Variants in TRIQK observed in about 807,000 individuals in gnomAD.
The protein encoded by TRIQK is triple QxxK/R motif-containing protein.
TRIQK carries 10 observed loss-of-function variants against 10.8 expected under a neutral mutation model. The observed-to-expected ratio is 0.92, with a 90% CI of 0.57 to 1.57. The LOEUF (loss-of-function observed/expected upper bound fraction) is 1.57. Ranked by LOEUF, TRIQK falls within the 40% of genes most tolerant of loss-of-function variation. TRIQK has a pLI of 0.00. For synonymous variants in TRIQK, 33 were observed against 33.7 expected, an observed-to-expected ratio of 0.98 and a Z score of 0.07; for missense variants, 107 against 97.7, an observed-to-expected ratio of 1.09 and a Z score of -0.40.
chr8:92,929,151 T>C (rs1208345190), intron 2 of TRIQK, among the ~76,000 whole-genome samples: 1 of 152,118 alleles, frequency 6.6e-6, no homozygotes, highest in African/African-American at 2.4e-5. Context: ...ACCCAGTCAA[T>C]AATGTTGGGG....
chr8:93,005,813 C>G (rs1813264767), intron 1 of TRIQK, among the ~76,000 whole-genome samples: 1 of 152,040 alleles, frequency 6.6e-6, no homozygotes, highest in East Asian at 1.9e-4. Context: ...CCAGAGAAAT[C>G]AGACAGGAGA....
rs545906706 is a variant in TRIQK, at chr8:92,906,598, TACAA to T, written c.61+10327_61+10330del. Among the ~76,000 whole-genome samples the T allele has an allele frequency of 3.4e-4, 52 of 151,642 alleles. No individual in the cohort carries two copies. In the South Asian group the frequency reaches 1.0e-2, roughly 29 times the overall value. On this transcript the variant is annotated intron_variant, in intron 3 of 4. Coordinates refer to ENST00000521988, the MANE Select transcript of TRIQK (RefSeq NM_001171797.2). ...TAGAATGTAACACTCATCTTCCCCA[TACAA>T]ACAATTTCCCTATAAAGTCACCATT...
chr8:92,936,424 C>T (rs1038566190), intron 2 of TRIQK, among the ~76,000 whole-genome samples: 1 of 151,288 alleles, frequency 6.6e-6, no homozygotes, highest in Non-Finnish European at 1.5e-5. Context: ...AATACCCATT[C>T]ATTATTACAG....
At chr8:92,943,310 T>C (rs1020631042) in intron 2 of TRIQK, among the ~76,000 whole-genome samples, 2 of 151,900 alleles carry the variant, frequency 1.3e-5, no homozygotes, top group African/African-American at 4.8e-5. Context: ...TTCATACAAG[T>C]GGAAAAAAAC....
intron 1 of TRIQK, among the ~76,000 whole-genome samples, chr8:93,015,936 C>CT (rs145852910): frequency 0.1 from 15,140 of 147,892 alleles, 1,761 homozygotes; most frequent in African/African-American, 0.29. Context: ...ATAAAAACAC[C>CT]TTTTTTTAAG....
intron 1 of TRIQK, among the ~76,000 whole-genome samples, chr8:92,962,211 A>G (rs1812496951): frequency 6.6e-6 from 1 of 152,202 alleles, no homozygotes; most frequent in Non-Finnish European, 1.5e-5. Context: ...ATGTATCACT[A>G]TTTTCCATTA....
Position 92,892,053 on chromosome 8 carries a change from GT to G in TRIQK, c.82del (p.Thr28LeufsTer10). The G allele has an allele frequency of 6.5e-7, 1 of 1,531,184 alleles. No homozygotes were observed. Among genetic ancestry groups the G allele is most frequent in the Non-Finnish European group, 8.8e-7 (1 of 1,142,416 alleles). 94.8% of individuals were successfully genotyped at this position (1,531,184 alleles called of 1,614,324 possible). A position where few individuals can be genotyped will look rare whatever the true frequency, so the allele number is the denominator to read the frequency against. ...KQIGKQDYKK[T>X]KPILRATKLK... ...TTTGGTTGCTCGTAAAATAGGTTTA[GT>G]TTTTTTATAATCCTGTTTACCTAGA... On this transcript the variant is annotated frameshift_variant, in exon 4 of 5. Coordinates refer to ENST00000521988, the MANE Select transcript of TRIQK (RefSeq NM_001171797.2). LOFTEE classifies it high-confidence loss of function.
At chr8:92,983,063 G>T (rs1451888472) in intron 1 of TRIQK, among the ~76,000 whole-genome samples, 1 of 151,912 alleles carries the variant, frequency 6.6e-6, no homozygotes. Flanking sequence ...TGTTTTTAAA[G>T]TTACAAATAC....
At chr8:92,972,322 A>G (rs1812884241) in intron 1 of TRIQK, among the ~76,000 whole-genome samples, 1 of 151,916 alleles carries the variant, frequency 6.6e-6, no homozygotes, top group Non-Finnish European at 1.5e-5. Flanking sequence ...TTTCATTTTT[A>G]CCTTTCTCCT....
intron 1 of TRIQK, among the ~76,000 whole-genome samples, chr8:93,014,851 C>A (rs1813368421): frequency 1.3e-5 from 2 of 151,966 alleles, no homozygotes; most frequent in African/African-American, 4.8e-5. Context: ...TTATTGAAGT[C>A]TGAAATGATT....
chr8:92,937,393 G>T (rs761579806), intron 2 of TRIQK, among the ~76,000 whole-genome samples: 28 of 151,836 alleles, frequency 1.8e-4, no homozygotes, highest in African/African-American at 6.7e-4. Flanking sequence ...CTTGCACAGG[G>T]TTATTTATTT....
chr8:92,894,292 G>A lies in TRIQK; in HGVS notation c.62-2218C>T, dbSNP rs1188919121. ...AGTGACAACATTTACAGGAGTGTCTGGTAGGTTCTTTATAACTAAAGCCAG... is the reference window on the plus strand; with the variant it reads ...AGTGACAACATTTACAGGAGTGTCTAGTAGGTTCTTTATAACTAAAGCCAG... On this transcript the variant is annotated intron_variant, in intron 3 of 4. Transcript: ENST00000521988. Among the ~76,000 whole-genome samples the A allele has an allele frequency of 5.3e-5, 8 of 151,990 alleles. No homozygotes were observed. In the East Asian group the frequency reaches 1.3e-3, roughly 26 times the overall value.
chr8:92,985,900 G>A (rs946286794), intron 1 of TRIQK, among the ~76,000 whole-genome samples: 5 of 152,112 alleles, frequency 3.3e-5, no homozygotes, highest in African/African-American at 1.2e-4. Context: ...CACTGCCAGA[G>A]TTCATAAACA....
chr8:92,996,390 A>G (rs1332239791), intron 1 of TRIQK, among the ~76,000 whole-genome samples: 1 of 152,070 alleles, frequency 6.6e-6, no homozygotes, highest in Non-Finnish European at 1.5e-5. Context: ...TCAATTGTTC[A>G]GCCTACTGCA....
At chr8:92,961,899 C>T (rs1312526853) in intron 1 of TRIQK, among the ~76,000 whole-genome samples, 7 of 152,172 alleles carry the variant, frequency 4.6e-5, no homozygotes, top group Admixed American at 1.3e-4. Flanking sequence ...AGTCATGTGA[C>T]TGACAAGAGT....
intron 1 of TRIQK, among the ~76,000 whole-genome samples, chr8:92,981,866 A>C (rs1033697827): frequency 6.6e-6 from 1 of 151,858 alleles, no homozygotes; most frequent in African/African-American, 2.4e-5. Flanking sequence ...GAGTGTAATC[A>C]TGTATATTTT....
chr8:93,003,832 C>T (rs1041142535), intron 1 of TRIQK, among the ~76,000 whole-genome samples: 2 of 152,204 alleles, frequency 1.3e-5, no homozygotes, highest in Admixed American at 6.5e-5. Flanking sequence ...ATTCAAAACT[C>T]AGCAGGGAAG....
chr8:92,967,396 T>G (rs1190249929), upstream of TRIQK, among the ~76,000 whole-genome samples: 2 of 152,212 alleles, frequency 1.3e-5, no homozygotes, highest in Non-Finnish European at 2.9e-5. Context: ...CCATTCCAAT[T>G]ACAAATAATT....
intron 1 of TRIQK, among the ~76,000 whole-genome samples, chr8:93,017,242 A>G (rs904430093): frequency 1.3e-5 from 2 of 151,986 alleles, no homozygotes; most frequent in Admixed American, 1.3e-4. Flanking sequence ...AAGACTGCGC[A>G]TGTTTAGATA....
Sources: gnomAD v4.1 joint callset for allele counts (sites outside exome capture counted in the v4.1 genomes callset) on GRCh38, gnomAD v4.1.1 for gene constraint, MANE v1.5 for transcripts, NCBI Gene and HGNC (gene_info 2026-07-23, HGNC 2026-07-21) for gene names.